Variants in FAM114A2 observed in about 807,000 individuals in gnomAD.
The protein encoded by FAM114A2 is protein FAM114A2.
FAM114A2 carries 53 observed loss-of-function variants against 58.4 expected under a neutral mutation model. The observed-to-expected ratio is 0.91, with a 90% CI of 0.73 to 1.14. The LOEUF (loss-of-function observed/expected upper bound fraction) is 1.14. Ranked by LOEUF, FAM114A2 falls within the 50% of genes most tolerant of loss-of-function variation. FAM114A2 has a pLI of 0.00. For synonymous variants in FAM114A2, 228 were observed against 211.4 expected, an observed-to-expected ratio of 1.08 and a Z score of -0.68; for missense variants, 601 against 581.1, an observed-to-expected ratio of 1.03 and a Z score of -0.35.
chr5:153,998,741 C>A (rs1350110616), intron 11 of FAM114A2, among the ~76,000 whole-genome samples: 3 of 152,106 alleles, frequency 2.0e-5, no homozygotes, highest in African/African-American at 4.8e-5. Flanking sequence ...TTTCTAGCCA[C>A]CAGAATCATG....
chr5:154,014,023 A>G (rs1318455459), intron 8 of FAM114A2, among the ~76,000 whole-genome samples: 1 of 152,222 alleles, frequency 6.6e-6, no homozygotes, highest in African/African-American at 2.4e-5. Context: ...ATGGCTTAGT[A>G]AATGGCAGAT....
intron 1 of FAM114A2, among the ~76,000 whole-genome samples, chr5:154,036,001 CTT>C: frequency 6.6e-6 from 1 of 152,096 alleles, no homozygotes; most frequent in East Asian, 1.9e-4. Flanking sequence ...AGTGAAATAT[CTT>C]TGTATCTTTT....
chr5:153,994,976 G>C lies in FAM114A2; in HGVS notation c.1330-4C>G, dbSNP rs755249929. On this transcript the variant is annotated splice_region_variant and splice_polypyrimidine_tract_variant and intron_variant, in intron 12 of 13. Transcript: ENST00000351797. ...GGACATCTGCCATTTCTTTGACCTGGAATAACGAATACATTTTTAAGTGAG... is the reference window on the plus strand; with the variant it reads ...GGACATCTGCCATTTCTTTGACCTGCAATAACGAATACATTTTTAAGTGAG... 6.2e-7 allele frequency: 1 copy of C among 1,600,746 alleles called. No homozygotes were observed. The highest frequency in any genetic ancestry group is 8.6e-7 in the Non-Finnish European group (1 of 1,168,108).
chr5:154,010,058 C>T lies in FAM114A2; in HGVS notation c.993+1183G>A, dbSNP rs566563209. Among the ~76,000 whole-genome samples, 16 of 152,294 alleles carry T rather than the reference C, an allele frequency of 1.1e-4. No homozygotes were observed. In the East Asian group the frequency reaches 3.1e-3, roughly 29 times the overall value. ...ACTGTGGTTATGTAAGGGAATATCC[C>T]TATCCTTAGCAGACACATACTGAAA... On this transcript the variant is annotated intron_variant, in intron 9 of 13. Coordinates refer to ENST00000351797, the MANE Select transcript of FAM114A2 (RefSeq NM_018691.4).
At chr5:154,029,688 T>C (rs1269288481) in intron 4 of FAM114A2, 108 bp from the exon 5 acceptor site, 6 of 586,636 alleles carry the variant, frequency 1.0e-5, no homozygotes, top group Admixed American at 6.3e-5. Context: ...TACTACATAC[T>C]AGGCCTTAGC....
chr5:154,014,270 G>A (rs1257388306), intron 8 of FAM114A2, among the ~76,000 whole-genome samples: 3 of 152,202 alleles, frequency 2.0e-5, no homozygotes, highest in Non-Finnish European at 2.9e-5. Context: ...AAAAAGTCCT[G>A]AAAGTAGGAG....
At chr5:154,024,407 A>G (rs775303557) in intron 8 of FAM114A2, among the ~76,000 whole-genome samples, 13 of 152,172 alleles carry the variant, frequency 8.5e-5, no homozygotes, top group Non-Finnish European at 1.8e-4. Context: ...TTAAAAAACT[A>G]TATTTTTCAA....
Position 154,002,847 on chromosome 5 carries a change from C to T in FAM114A2, c.1116G>A (p.Glu372=). 1 of 1,613,978 alleles carries T rather than the reference C, an allele frequency of 6.2e-7. No homozygotes were observed. The highest frequency in any genetic ancestry group is 8.5e-7 in the Non-Finnish European group (1 of 1,179,930). The change falls in exon 10 of 14, where the codon GAG becomes GAA. Residue 372 remains glutamate (E), a splice_region_variant and synonymous_variant. Coordinates refer to ENST00000351797, the MANE Select transcript of FAM114A2 (RefSeq NM_018691.4). ...NTEQVNKNSI[E]DIHAFAIRSL... The stretch of plus-strand genomic sequence containing the variant: ...AAAAAGGCTTAGTTGCTTTGGCTAC[C>T]TCTATTGAATTTTTGTTGACTTGCT...
At chr5:154,009,372 A>G (rs1270460484) in intron 9 of FAM114A2, among the ~76,000 whole-genome samples, 2 of 152,196 alleles carry the variant, frequency 1.3e-5, no homozygotes, top group African/African-American at 4.8e-5. Context: ...ACTCCATGAA[A>G]GCATACTGAT....
chr5:153,995,778 C>G (rs575852911), intron 12 of FAM114A2, among the ~76,000 whole-genome samples: 76 of 152,278 alleles, frequency 5.0e-4, no homozygotes, highest in African/African-American at 1.8e-3. Context: ...GCTCACACAT[C>G]TTCATAAATT....
chr5:154,031,847 A>G (rs1261537118), intron 4 of FAM114A2, among the ~76,000 whole-genome samples: 1 of 152,250 alleles, frequency 6.6e-6, no homozygotes, highest in East Asian at 1.9e-4. Context: ...AAAGAAAATA[A>G]AACTCAGGAC....
At chr5:154,036,602 C>T (rs1255987642) in intron 1 of FAM114A2, 1 of 152,134 alleles carries the variant, frequency 6.6e-6, no homozygotes, top group Non-Finnish European at 1.5e-5. Flanking sequence ...ATAACAGGTG[C>T]TGCATTCAGT....
intron 9 of FAM114A2, among the ~76,000 whole-genome samples, chr5:154,003,251 T>C (rs1420520217): frequency 6.6e-6 from 1 of 151,432 alleles, no homozygotes; most frequent in African/African-American, 2.4e-5. Context: ...CAATCTTGGC[T>C]CACTGCAACC....
At position 153,991,272 on chromosome 5, in the gene FAM114A2, C is replaced by T. The variant is rs959556940; in HGVS notation, c.*1704G>A. On this transcript the variant is annotated 3_prime_UTR_variant, in exon 14 of 14. Transcript: ENST00000351797. Reference sequence around the variant, plus strand: ...TGAAAGAAAAACCTTAAATACATTTCTAGGTTAAGGATTTAAAGCTGCCAA... The same window carrying T: ...TGAAAGAAAAACCTTAAATACATTTTTAGGTTAAGGATTTAAAGCTGCCAA... 3.3e-5 allele frequency: 5 copies of T among 152,120 alleles called. No individual in the cohort carries two copies. The highest frequency in any genetic ancestry group is 4.8e-5 in the African/African-American group (2 of 41,416). 9.4% of individuals were successfully genotyped at this position (152,120 alleles called of 1,614,324 possible).
chr5:153,997,843 G>C lies in FAM114A2; in HGVS notation c.1289C>G (p.Ser430Cys). Residue 430 changes from serine (S) to cysteine (C), a missense_variant, in exon 12 of 14, where the codon TCT becomes TGT. By Grantham distance (112) the Ser-to-Cys change is moderately radical (BLOSUM62 -1). Transcript: ENST00000351797. ...MTIVLCKELS[S>C]LSKEFTTCLT... ...GCAGGTAGTGAACTCTTTAGACAGAGAGGACAACTCTTTACACAACACAAT... is the reference window on the plus strand; with the variant it reads ...GCAGGTAGTGAACTCTTTAGACAGACAGGACAACTCTTTACACAACACAAT... 6.2e-7 allele frequency: 1 copy of C among 1,605,532 alleles called. No individual in the cohort carries two copies. Among genetic ancestry groups the C allele is most frequent in the South Asian group, 1.1e-5 (1 of 90,730 alleles).
rs1771776318 is a variant in FAM114A2 at position 154,026,452 on chromosome 5, T to C, written c.860A>G (p.Lys287Arg). The C allele has an allele frequency of 6.3e-7, 1 of 1,581,196 alleles. No homozygotes were observed. The highest frequency in any genetic ancestry group is 8.6e-7 in the Non-Finnish European group (1 of 1,164,196). Reference protein sequence around the residue: ...ETLKVELEQLKETFSLAEFCE... With the variant: ...ETLKVELEQLRETFSLAEFCE... Reference sequence around the variant, plus strand: ...AAATTCTGCTAGAGAAAATGTTTCTTTGAGTTGCTCTAATTCAACTTTTAG... The same window carrying C: ...AAATTCTGCTAGAGAAAATGTTTCTCTGAGTTGCTCTAATTCAACTTTTAG... The change falls in exon 8 of 14, where the codon AAA (lysine) becomes AGA (arginine). Residue 287 changes from lysine to arginine, a missense_variant. Physicochemically the swap from Lys to Arg is conservative, Grantham distance 26 (BLOSUM62 2). Coordinates refer to ENST00000351797, the MANE Select transcript of FAM114A2 (RefSeq NM_018691.4).
intron 7 of FAM114A2, 116 bp from the exon 8 acceptor site, chr5:154,026,638 C>A: frequency 1.7e-6 from 1 of 598,746 alleles, no homozygotes; most frequent in Non-Finnish European, 2.5e-6. Flanking sequence ...AGCTCATCAG[C>A]CAGCACAAGT....
intron 8 of FAM114A2, among the ~76,000 whole-genome samples, chr5:154,012,133 G>T (rs1770740414): frequency 6.6e-6 from 1 of 152,074 alleles, no homozygotes; most frequent in Non-Finnish European, 1.5e-5. Context: ...AGACAAAATG[G>T]TGGATAAGAA....
chr5:153,992,968 T>TCC lies in FAM114A2; in HGVS notation c.*6_*7dup. ...GTCACAAGTCCCAGGTCAAAACGTCTCCATTCTTCAATGTTCTAACAAAGG... is the reference window on the plus strand; with the variant it reads ...GTCACAAGTCCCAGGTCAAAACGTCTCCCCATTCTTCAATGTTCTAACAAAGG... On this transcript the variant is annotated 3_prime_UTR_variant, in exon 14 of 14. Transcript: ENST00000351797. 1.2e-6 allele frequency: 2 copies of TCC among 1,608,420 alleles called. No individual in the cohort carries two copies. Among genetic ancestry groups the TCC allele is most frequent in the Non-Finnish European group, 8.5e-7 (1 of 1,176,840 alleles).
Sources: gnomAD v4.1 joint callset for allele counts (sites outside exome capture counted in the v4.1 genomes callset) on GRCh38, gnomAD v4.1.1 for gene constraint, MANE v1.5 for transcripts, NCBI Gene and HGNC (gene_info 2026-07-23, HGNC 2026-07-21) for gene names.